Variants in GPM6B observed in about 807,000 individuals in gnomAD.
GPM6B encodes the protein neuronal membrane glycoprotein M6-b.
GPM6B carries 4 observed loss-of-function variants against 27.2 expected under a neutral mutation model. The ratio of observed to expected loss-of-function variants is 0.15; its 90% CI spans 0.07 to 0.34. The LOEUF (loss-of-function observed/expected upper bound fraction) is 0.34. GPM6B is among the 10% of genes least tolerant of loss of function. GPM6B has a pLI of 1.00. For missense variants in GPM6B, 183 were observed against 261.9 expected (o/e 0.70, Z 2.08); for synonymous variants, 124 against 103.1 (o/e 1.20, Z -1.23).
chrX:13,864,552 A>G (rs1037118432), intron 1 of GPM6B, among the ~76,000 whole-genome samples: 1 of 112,890 alleles, frequency 8.9e-6, no homozygotes, highest in Non-Finnish European at 1.9e-5. Context: ...TGCAGATTAG[A>G]TTCCAGGGTT....
At chrX:13,849,642 T>TA (rs2049690929) in intron 1 of GPM6B, among the ~76,000 whole-genome samples, 2 of 111,709 alleles carry the variant, frequency 1.8e-5, no homozygotes, top group South Asian at 7.4e-4. Flanking sequence ...CACAAGAAAG[T>TA]AAAAATCAAT....
chrX:13,848,825 C>A (rs1254755281), intron 1 of GPM6B, among the ~76,000 whole-genome samples: 2 of 112,381 alleles, frequency 1.8e-5, no homozygotes, highest in African/African-American at 6.5e-5. Context: ...TCAACTGGTA[C>A]ATGGATAAAC....
At chrX:13,893,060 C>T (rs2050202088) in intron 1 of GPM6B, among the ~76,000 whole-genome samples, 1 of 111,334 alleles carries the variant, frequency 9.0e-6, no homozygotes, top group South Asian at 3.8e-4. Context: ...CATTTAAAAA[C>T]CATTGTTAGC....
At chrX:13,938,091 A>AGGACT (rs1216774099) in intron 1 of GPM6B, among the ~76,000 whole-genome samples, 1 of 108,630 alleles carries the variant, frequency 9.2e-6, no homozygotes, top group Admixed American at 9.7e-5. Context: ...GGGGCGGGGC[A>AGGACT]GGACTGGACT....
At chrX:13,847,744 C>G (rs1050599538) in intron 1 of GPM6B, among the ~76,000 whole-genome samples, 4 of 111,954 alleles carry the variant, frequency 3.6e-5, no homozygotes, top group Non-Finnish European at 7.5e-5. Flanking sequence ...TTTACAAATA[C>G]GATTTAAACA....
intron 2 of GPM6B, among the ~76,000 whole-genome samples, chrX:13,803,743 T>G (rs539913147): frequency 8.9e-6 from 1 of 111,843 alleles, no homozygotes; most frequent in Non-Finnish European, 1.9e-5. Context: ...TACTTTCTCC[T>G]CTGGCCCTCA....
chrX:13,790,136 G>T (rs1025040379), intron 2 of GPM6B, among the ~76,000 whole-genome samples: 2 of 112,305 alleles, frequency 1.8e-5, no homozygotes, highest in African/African-American at 6.5e-5. Context: ...TTACAGGTGT[G>T]AGCCACCATG....
intron 1 of GPM6B, among the ~76,000 whole-genome samples, chrX:13,831,170 A>C (rs1206326052): frequency 1.1e-5 from 1 of 89,517 alleles, no homozygotes; most frequent in East Asian, 3.4e-4. Flanking sequence ...GATGTAGAAG[A>C]GCTCAGTACA....
upstream of GPM6B, among the ~76,000 whole-genome samples, chrX:13,820,469 G>T (rs1276469657): frequency 2.7e-5 from 3 of 110,850 alleles, no homozygotes; most frequent in African/African-American, 9.9e-5. Flanking sequence ...ATCCTGCAGG[G>T]ACTAAGAGGC....
At chrX:13,901,124 C>G (rs942603363) in intron 1 of GPM6B, among the ~76,000 whole-genome samples, 1 of 111,890 alleles carries the variant, frequency 8.9e-6, no homozygotes, top group Non-Finnish European at 1.9e-5. Flanking sequence ...TGAACATAGA[C>G]TGACTCACAA....
chrX:13,836,268 G>A (rs1037871022), intron 1 of GPM6B, among the ~76,000 whole-genome samples: 3 of 111,480 alleles, frequency 2.7e-5, no homozygotes, highest in Non-Finnish European at 5.6e-5. Flanking sequence ...TGGGTTGTGT[G>A]ATTCTAATGC....
At chrX:13,888,660 C>A (rs1189335147) in intron 1 of GPM6B, among the ~76,000 whole-genome samples, 2 of 111,598 alleles carry the variant, frequency 1.8e-5, no homozygotes, top group African/African-American at 3.3e-5. Flanking sequence ...CCCTCGCCAC[C>A]ACCAACCCCC....
At chrX:13,782,434 C>G (rs2048532755) in intron 4 of GPM6B, among the ~76,000 whole-genome samples, 1 of 111,296 alleles carries the variant, frequency 9.0e-6, no homozygotes, top group African/African-American at 3.3e-5. Flanking sequence ...AATGCTGTGC[C>G]CTGGTGGAAA....
At chrX:13,835,995 C>T (rs1288450269) in intron 1 of GPM6B, among the ~76,000 whole-genome samples, 1 of 112,202 alleles carries the variant, frequency 8.9e-6, no homozygotes, top group Non-Finnish European at 1.9e-5. Flanking sequence ...AGCCGCATGC[C>T]AAAGCTGACT....
chrX:13,853,502 G>A (rs2049743507), intron 1 of GPM6B, among the ~76,000 whole-genome samples: 1 of 103,290 alleles, frequency 9.7e-6, no homozygotes, highest in Non-Finnish European at 1.9e-5. Flanking sequence ...TACTCGGGAG[G>A]TTGAGGCATA....
chrX:13,923,625 C>T (rs1477952519), intron 1 of GPM6B, among the ~76,000 whole-genome samples: 1 of 112,099 alleles, frequency 8.9e-6, no homozygotes, highest in Non-Finnish European at 1.9e-5. Flanking sequence ...CTTGAATTGA[C>T]CAAGGAAATT....
At chrX:13,814,887 T>C (rs1451321025) in intron 1 of GPM6B, among the ~76,000 whole-genome samples, 1 of 112,223 alleles carries the variant, frequency 8.9e-6, no homozygotes, top group Non-Finnish European at 1.9e-5. Flanking sequence ...TAGCTTCTGG[T>C]AGTGTGATAT....
intron 2 of GPM6B, among the ~76,000 whole-genome samples, chrX:13,787,588 T>C (rs1233064826): frequency 1.8e-5 from 2 of 111,943 alleles, no homozygotes; most frequent in African/African-American, 3.3e-5. Context: ...GTGCACAATA[T>C]GGTTCAAGTT....
At chrX:13,862,881 G>C (rs141505943) in intron 1 of GPM6B, among the ~76,000 whole-genome samples, 1,389 of 105,553 alleles carry the variant, frequency 0.013, 27 homozygotes, top group African/African-American at 0.045. Flanking sequence ...TTTTTCTGTA[G>C]AGATGGGGTT....
Sources: gnomAD v4.1 joint callset for allele counts (sites outside exome capture counted in the v4.1 genomes callset) on GRCh38, gnomAD v4.1.1 for gene constraint, MANE v1.5 for transcripts, NCBI Gene and HGNC (gene_info 2026-07-23, HGNC 2026-07-21) for gene names.